The following SCAF8 variants were observed in gnomAD, a reference collection of about 807,000 sequenced individuals.
The protein encoded by SCAF8 is SR-related CTD associated factor 8, also known as SR-related and CTD-associated factor 8.
In SCAF8, 23 loss-of-function variants were observed where a neutral mutation model predicts 140.5. That is an observed-to-expected ratio of 0.16 (90% confidence interval 0.12 to 0.23). SCAF8 has a LOEUF of 0.23. Ranked by LOEUF, SCAF8 falls within the 10% of genes least tolerant of loss-of-function variation. The pLI is 1.00. For missense variants in SCAF8, 1,397 were observed against 1,555.7 expected (o/e 0.90, Z 1.72); for synonymous variants, 575 against 528.9 (o/e 1.09, Z -1.20).
At chr6:154,827,358 C>T in intron 18 of SCAF8, 118 bp downstream of exon 18, 1 of 674,600 alleles carries the variant, frequency 1.5e-6, no homozygotes, top group Middle Eastern at 2.6e-4. Context: ...AAGACAAATG[C>T]ATGTTAGATA....
intron 1 of SCAF8, among the ~76,000 whole-genome samples, chr6:154,738,896 C>CT (rs1304065386): frequency 1.3e-5 from 2 of 151,962 alleles, no homozygotes; most frequent in African/African-American, 2.4e-5. Context: ...TTTTTGTTTC[C>CT]TTTTTTGTTT....
At position 154,832,367 on chromosome 6, in the gene SCAF8, C is replaced by G. The variant is rs1205743341; in HGVS notation, c.2788C>G (p.Leu930Val). Residue 930 changes from leucine to valine, a missense_variant, in exon 20 of 20, where the codon CTA (leucine) becomes GTA (valine). Physicochemically the swap from Leu to Val is conservative, Grantham distance 32. This residue lies in a region of SCAF8 where 930 missense variants were observed against 874.6 expected (regional missense o/e 1.06). Transcript: ENST00000367178. ...GCCAATGTTAGACATTCGTCCGGGACTAATACCACAGGCACCTGGGCCAAG... is the reference window on the plus strand; with the variant it reads ...GCCAATGTTAGACATTCGTCCGGGAGTAATACCACAGGCACCTGGGCCAAG... ...TMPMLDIRPG[L>V]IPQAPGPRFP... The G allele has an allele frequency of 9.9e-6, 16 of 1,614,060 alleles. No homozygotes were observed. Among genetic ancestry groups the G allele is most frequent in the Non-Finnish European group, 1.4e-5 (16 of 1,180,020 alleles).
chr6:154,819,938 A>G (rs1031249241), intron 14 of SCAF8, among the ~76,000 whole-genome samples: 1 of 151,862 alleles, frequency 6.6e-6, no homozygotes, highest in Non-Finnish European at 1.5e-5. Context: ...GCAGTGAACC[A>G]TGATCATGCC....
In SCAF8 at chr6:154,824,293, G is replaced by T. The variant is rs201177064; in HGVS notation, c.1986G>T (p.Ser662=). 1 of 1,613,922 alleles carries T rather than the reference G, an allele frequency of 6.2e-7. No homozygotes were observed. Among genetic ancestry groups the T allele is most frequent in the Non-Finnish European group, 8.5e-7 (1 of 1,179,834 alleles). Residue 662 remains serine (S), a synonymous_variant, in exon 17 of 20, where the codon TCG becomes TCT. Transcript: ENST00000367178. ...VSLVPPAFPV[S]MPVPPPGFSP... is the part of the protein sequence containing the mutation. ...TAGTCCCACCAGCATTTCCTGTGTC[G>T]ATGCCGGTTCCTCCTCCTGGATTCA...
At chr6:154,734,623 G>A (rs1262702248) in intron 1 of SCAF8, among the ~76,000 whole-genome samples, 1 of 152,156 alleles carries the variant, frequency 6.6e-6, no homozygotes, top group Admixed American at 6.6e-5. Context: ...AACATTTCTC[G>A]CTGGTTCATT....
At chr6:154,831,703 TAAAA>T (rs58013583) in intron 19 of SCAF8, among the ~76,000 whole-genome samples, 94 of 48,022 alleles carry the variant, frequency 2.0e-3, no homozygotes, top group African/African-American at 5.0e-3. Context: ...CTCCTGTTCT[TAAAA>T]AAAAAAAAAA....
intron 17 of SCAF8, 33 bp from the exon 18 acceptor site, chr6:154,827,138 TG>T: frequency 1.3e-6 from 2 of 1,549,844 alleles, no homozygotes; most frequent in Admixed American, 1.9e-5. Flanking sequence ...TAATTTTTCT[TG>T]TGCTATTTTT....
In SCAF8 at chr6:154,832,834, T is replaced by A; in HGVS notation, c.3255T>A (p.Phe1085Leu). ...GIDHLGRRDH[F>L]GFNPEKPWGH... ...ATCATCTTGGTCGAAGAGACCACTT[T>A]GGCTTTAATCCAGAGAAGCCCTGGG... The change falls in exon 20 of 20, where the codon TTT (phenylalanine) becomes TTA (leucine). Residue 1085 changes from phenylalanine (F) to leucine (L), a missense_variant. Transcript: ENST00000367178. 1 of 1,614,032 alleles carries A rather than the reference T, an allele frequency of 6.2e-7. No homozygotes were observed.
intron 1 of SCAF8, among the ~76,000 whole-genome samples, chr6:154,759,664 A>ATTTT (rs67700317): frequency 7.5e-6 from 1 of 133,300 alleles, no homozygotes; most frequent in East Asian, 2.2e-4. Context: ...TGTCATAATA[A>ATTTT]TTTTTTTTTT....
chr6:154,820,681 T>G (rs1778393273), intron 15 of SCAF8, among the ~76,000 whole-genome samples: 1 of 152,194 alleles, frequency 6.6e-6, no homozygotes, highest in Admixed American at 6.5e-5. Flanking sequence ...TTTGAAACAC[T>G]TTGCAGATTA....
chr6:154,825,086 G>T (rs760652541), intron 17 of SCAF8: 1 of 151,982 alleles, frequency 6.6e-6, no homozygotes, highest in Non-Finnish European at 1.5e-5. Context: ...CTAAGAATCA[G>T]TAGGCTCCAT....
intron 1 of SCAF8, among the ~76,000 whole-genome samples, chr6:154,742,200 A>G (rs940260394): frequency 6.6e-6 from 1 of 152,172 alleles, no homozygotes; most frequent in East Asian, 1.9e-4. Flanking sequence ...TGCTTCACAA[A>G]AAGGTTAATT....
chr6:154,740,633 T>A (rs915894804), intron 1 of SCAF8, among the ~76,000 whole-genome samples: 1 of 151,144 alleles, frequency 6.6e-6, no homozygotes, highest in Non-Finnish European at 1.5e-5. Flanking sequence ...TTCTTTTTTT[T>A]TTTTTTGAGA....
Position 154,833,257 on chromosome 6 carries a change from A to G in SCAF8, c.3678A>G (p.Pro1226=). ...GENTERHAQP[P]PIPVQNDPEL... ...ATACAGAGAGACATGCTCAGCCACC[A>G]CCTATACCAGTACAGAATGATCCTG... The change falls in exon 20 of 20, where the codon CCA becomes CCG. Residue 1226 remains proline, a synonymous_variant. Coordinates refer to ENST00000367178, the MANE Select transcript of SCAF8 (RefSeq NM_014892.5). 5.0e-6 allele frequency: 8 copies of G among 1,614,018 alleles called. No individual in the cohort carries two copies. Among genetic ancestry groups the G allele is most frequent in the South Asian group, 1.1e-5 (1 of 91,084 alleles).
In SCAF8 at chr6:154,832,939, A is replaced by G; in HGVS notation, c.3360A>G (p.Arg1120=). 1 of 1,614,118 alleles carries G rather than the reference A, an allele frequency of 6.2e-7. No individual in the cohort carries two copies. Among genetic ancestry groups the G allele is most frequent in the African/African-American group, 1.3e-5 (1 of 75,040 alleles). Residue 1120 remains arginine (R), a synonymous_variant, in exon 20 of 20, where the codon AGA becomes AGG. Coordinates refer to ENST00000367178, the MANE Select transcript of SCAF8 (RefSeq NM_014892.5). The part of the protein sequence containing the change: ...YGGPKGLHEE[R]GRFRSGNYRF... ...GTCCAAAAGGCTTACATGAAGAAAG[A>G]GGTAGATTTCGGTCTGGAAACTATC... is the stretch of plus-strand genomic sequence containing the variant.
At position 154,824,257 on chromosome 6, in the gene SCAF8, T is replaced by C; in HGVS notation, c.1950T>C (p.Pro650=). Residue 650 remains proline (P), a synonymous_variant, in exon 17 of 20, where the codon CCT becomes CCC. Coordinates refer to ENST00000367178, the MANE Select transcript of SCAF8 (RefSeq NM_014892.5). ...MLQIPVAPAV[P]TVSLVPPAFP... is the part of the protein sequence containing the mutation. ...AGATTCCAGTGGCGCCAGCCGTGCC[T>C]ACAGTTAGTTTAGTCCCACCAGCAT... 6.2e-7 allele frequency: 1 copy of C among 1,614,040 alleles called. No homozygotes were observed. Among genetic ancestry groups the C allele is most frequent in the Non-Finnish European group, 8.5e-7 (1 of 1,179,894 alleles).
chr6:154,733,782 G>GCTCTCCCGCCAGCGCCCCC lies in SCAF8; in HGVS notation c.-118_-100dup. ...CTCCGCCCCGAGGTCGCAGCGGCCC[G>GCTCTCCCGCCAGCGCCCCC]CTCTCCCGCCAGCGCCCCCTCCTCG... On this transcript the variant is annotated 5_prime_UTR_variant, in exon 1 of 20. Coordinates refer to ENST00000367178, the MANE Select transcript of SCAF8 (RefSeq NM_014892.5). 1 of 1,379,928 alleles carries GCTCTCCCGCCAGCGCCCCC rather than the reference G, an allele frequency of 7.2e-7. No homozygotes were observed. Among genetic ancestry groups the GCTCTCCCGCCAGCGCCCCC allele is most frequent in the East Asian group, 3.0e-5 (1 of 33,102 alleles). The allele number at this position is 1,379,928 out of a possible 1,614,324, so 85.5% of individuals were successfully genotyped here.
chr6:154,771,409 A>G (rs924518925), intron 1 of SCAF8, among the ~76,000 whole-genome samples: 1 of 152,174 alleles, frequency 6.6e-6, no homozygotes, highest in African/African-American at 2.4e-5. Flanking sequence ...AAAAAAGACG[A>G]CTGTGTGTCT....
At chr6:154,807,311 C>T (rs898906032) in intron 9 of SCAF8, among the ~76,000 whole-genome samples, 72 of 152,232 alleles carry the variant, frequency 4.7e-4, no homozygotes, top group African/African-American at 1.6e-3. Flanking sequence ...ATAATAAGAT[C>T]CCTTTGAAAG....
Sources: allele counts gnomAD v4.1 joint callset (sites outside exome capture counted in the v4.1 genomes callset), GRCh38; gene constraint gnomAD v4.1.1; regional missense constraint gnomAD v4.1.1; transcripts MANE v1.5; gene names NCBI Gene and HGNC (gene_info 2026-07-23, HGNC 2026-07-21).